SGCD: variants seen among roughly 807,000 people sequenced by gnomAD.
The protein encoded by SGCD is sarcoglycan delta.
A neutral mutation model predicts 36.6 loss-of-function variants in SGCD; 18 were observed. The ratio of observed to expected loss-of-function variants is 0.49; its 90% CI spans 0.34 to 0.73. SGCD has a LOEUF of 0.73. Among genes scored for constraint, SGCD ranks in the 30% least tolerant of loss-of-function variants. The pLI, the probability that SGCD is intolerant of heterozygous loss-of-function variation, is 0.01. For missense variants in SGCD, 387 were observed against 346.7 expected (o/e 1.12, Z -0.92); for synonymous variants, 133 against 130.6 (o/e 1.02, Z -0.12).
Position 156,148,302 on chromosome 5 carries a change from T to C in SGCD, c.-44+24283T>C, listed in dbSNP as rs968363597. ...ATATGCAAACACAGCACCTGGAAACTGGGGTACCTTTGGGTTTGTCTTGTT... is the reference window on the plus strand; with the variant it reads ...ATATGCAAACACAGCACCTGGAAACCGGGGTACCTTTGGGTTTGTCTTGTT... On this transcript the variant is annotated intron_variant, in intron 3 of 9. Coordinates refer to the SGCD transcript ENST00000517913. Among the ~76,000 whole-genome samples, 10 of 152,154 alleles carry C rather than the reference T, an allele frequency of 6.6e-5. 1 individual carries two copies. The South Asian group carries it at 8.3e-4, about 13-fold the overall frequency.
At chr5:156,393,515 T>C (rs1005510002) in intron 3 of SGCD, among the ~76,000 whole-genome samples, 1 of 152,220 alleles carries the variant, frequency 6.6e-6, no homozygotes, top group African/African-American at 2.4e-5. Context: ...GCTCTTGCTG[T>C]GATTTAGTTT....
At chr5:156,726,732 C>CTAAT (rs1355674606) in intron 7 of SGCD, among the ~76,000 whole-genome samples, 1 of 152,194 alleles carries the variant, frequency 6.6e-6, no homozygotes, top group Non-Finnish European at 1.5e-5. Flanking sequence ...CCATCTCATT[C>CTAAT]TAATTCTCTT....
At chr5:155,805,259 T>C in the SGCD span, among the ~76,000 whole-genome samples, 1 of 152,136 alleles carries the variant, frequency 6.6e-6, no homozygotes, top group African/African-American at 2.4e-5. Context: ...TCTATAGATA[T>C]CTGTTATAAG....
chr5:156,034,744 T>C (rs1007276246), intron 1 of SGCD, among the ~76,000 whole-genome samples: 2 of 152,226 alleles, frequency 1.3e-5, no homozygotes, highest in African/African-American at 2.4e-5. Flanking sequence ...CTGTTCAAGA[T>C]GTGTCTCACC....
rs58548934 is a variant in SGCD at position 155,928,666 on chromosome 5, C to CAA, written c.-282+58263_-282+58264dup. 8.5e-3 allele frequency among the ~76,000 whole-genome samples: 570 copies of CAA among 67,386 alleles called. 1 individual carries two copies. The highest frequency in any genetic ancestry group is 9.2e-3 in the African/African-American group (134 of 14,640). The allele number at this position is 67,386 out of a possible 152,430, so 44.2% of individuals were successfully genotyped here. A position where few individuals can be genotyped will look rare whatever the true frequency, so the allele number is the denominator to read the frequency against. ...CTGCTGACAGAGTGAGACTCTGTCT[C>CAA]AAAAAAAAAAAAAAAAAAAAAAGAG... is the stretch of plus-strand genomic sequence containing the variant. On this transcript the variant is annotated intron_variant, in intron 1 of 9. Coordinates refer to the SGCD transcript ENST00000517913.
intron 3 of SGCD, among the ~76,000 whole-genome samples, chr5:156,173,567 A>G (rs1349077936): frequency 1.3e-5 from 2 of 152,206 alleles, no homozygotes; most frequent in African/African-American, 4.8e-5. Context: ...ACAGTTAAGT[A>G]CATAGCATTT....
chr5:155,852,349 T>C, the SGCD span, among the ~76,000 whole-genome samples: 1 of 152,186 alleles, frequency 6.6e-6, no homozygotes, highest in East Asian at 1.9e-4. Context: ...TATTGCCTTA[T>C]TATCACTAAT....
chr5:155,752,322 T>C, the SGCD span, among the ~76,000 whole-genome samples: 1 of 152,214 alleles, frequency 6.6e-6, no homozygotes, highest in Non-Finnish European at 1.5e-5. Flanking sequence ...TTCTGCATGG[T>C]GTGGCTCCTG....
intron 3 of SGCD, among the ~76,000 whole-genome samples, chr5:156,438,145 G>A (rs1360748046): frequency 2.6e-5 from 4 of 152,184 alleles, no homozygotes; most frequent in African/African-American, 9.7e-5. Flanking sequence ...AGGACAGTAG[G>A]AAATCAAGCA....
intron 3 of SGCD, among the ~76,000 whole-genome samples, chr5:156,462,776 G>T (rs1448127481): frequency 6.6e-6 from 1 of 151,972 alleles, no homozygotes; most frequent in Non-Finnish European, 1.5e-5. Context: ...ACATTAGGTT[G>T]GTACAAAAGT....
At chr5:156,678,818 C>G (rs891430415) in intron 7 of SGCD, among the ~76,000 whole-genome samples, 6 of 152,094 alleles carry the variant, frequency 3.9e-5, no homozygotes, top group African/African-American at 1.4e-4. Flanking sequence ...CAGTGTATGC[C>G]CTATTAACAT....
intron 3 of SGCD, among the ~76,000 whole-genome samples, chr5:156,169,749 A>G (rs115263165): frequency 0.036 from 5,451 of 152,182 alleles, 342 homozygotes; most frequent in African/African-American, 0.12. Context: ...ACTAAATAGC[A>G]TAATGGTGTG....
In SGCD at chr5:156,764,321, T is replaced by C. The variant is rs577497416; in HGVS notation, c.*4931T>C. 1 of 152,722 alleles carries C rather than the reference T, an allele frequency of 6.5e-6. No individual in the cohort carries two copies. The highest frequency in any genetic ancestry group is 2.1e-4 in the South Asian group (1 of 4,826). 9.5% of individuals were successfully genotyped at this position (152,722 alleles called of 1,614,324 possible). On this transcript the variant is annotated 3_prime_UTR_variant, in exon 9 of 9. Transcript: ENST00000337851. Reference sequence around the variant, plus strand: ...GTCAGATGCCTCTCTTTCTTTGTGGTAATCGGAATTTAAAATTATACAGTT... The same window carrying C: ...GTCAGATGCCTCTCTTTCTTTGTGGCAATCGGAATTTAAAATTATACAGTT...
upstream of SGCD, among the ~76,000 whole-genome samples, chr5:155,869,070 G>A (rs555491657): frequency 6.6e-6 from 1 of 152,292 alleles, no homozygotes; most frequent in South Asian, 2.1e-4. Context: ...TCTCAGGGTT[G>A]GAGGAGGCTT....
At chr5:155,909,354 A>T (rs1160971147) in intron 1 of SGCD, among the ~76,000 whole-genome samples, 2 of 152,186 alleles carry the variant, frequency 1.3e-5, no homozygotes, top group African/African-American at 4.8e-5. Context: ...GGGATCTTTC[A>T]TACTTTGTGA....
In SGCD at chr5:156,356,460, A is replaced by G. The variant is rs78489536; in HGVS notation, c.192+11783A>G. On this transcript the variant is annotated intron_variant, in intron 3 of 8. Coordinates refer to ENST00000337851, the MANE Select transcript of SGCD (RefSeq NM_000337.6). ...ACGTGGTTGCTAAACTCTAGAATAT[A>G]TGTTCCATTTAAAGAAGATGGAAGT... Among the ~76,000 whole-genome samples, 1,387 of 152,282 alleles carry G rather than the reference A, an allele frequency of 9.1e-3. 23 individuals are homozygous for G. The highest frequency in any genetic ancestry group is 0.031 in the African/African-American group (1,303 of 41,566).
chr5:156,595,154 A>AT, intron 6 of SGCD, 103 bp downstream of exon 6: 1 of 1,329,658 alleles, frequency 7.5e-7, no homozygotes, highest in South Asian at 1.5e-5. Flanking sequence ...CAAAATTCAT[A>AT]TATCGAAATC....
chr5:156,393,720 A>G (rs1157525642), intron 3 of SGCD: 1 of 456,102 alleles, frequency 2.2e-6, no homozygotes, highest in Non-Finnish European at 4.4e-6. Flanking sequence ...GTTACTAACA[A>G]AGTGCTGTCT....
At chr5:156,010,576 T>A (rs1319552889) in intron 1 of SGCD, among the ~76,000 whole-genome samples, 2 of 152,232 alleles carry the variant, frequency 1.3e-5, no homozygotes, top group African/African-American at 4.8e-5. Context: ...CGACTGTAAC[T>A]TTAATCTGTA....
Sources: gnomAD v4.1 joint callset for allele counts (sites outside exome capture counted in the v4.1 genomes callset) on GRCh38, gnomAD v4.1.1 for gene constraint, MANE v1.5 for transcripts, NCBI Gene and HGNC (gene_info 2026-07-23, HGNC 2026-07-21) for gene names.